The following SCLT1 variants were observed in gnomAD, a reference collection of about 807,000 sequenced individuals.
SCLT1 encodes sodium channel-associated protein 1.
Under a neutral mutation model 112.8 loss-of-function variants are expected in SCLT1, and 78 were observed. The ratio of observed to expected loss-of-function variants is 0.69; its 90% CI spans 0.58 to 0.83. SCLT1 has a LOEUF of 0.83. Ranked by LOEUF, SCLT1 falls within the 40% of genes least tolerant of loss-of-function variation. The pLI is 0.00. For synonymous variants in SCLT1, 257 were observed against 254.7 expected, an observed-to-expected ratio of 1.01 and a Z score of -0.09; for missense variants, 747 against 770.4, an observed-to-expected ratio of 0.97 and a Z score of 0.36.
chr4:128,922,024 G>A (rs953772661), intron 18 of SCLT1, among the ~76,000 whole-genome samples: 2 of 151,978 alleles, frequency 1.3e-5, no homozygotes, highest in African/African-American at 2.4e-5. Flanking sequence ...ACATACATGC[G>A]GCCAACAAGC....
intron 4 of SCLT1, among the ~76,000 whole-genome samples, chr4:129,041,152 T>A (rs1031625696): frequency 6.6e-6 from 1 of 152,178 alleles, no homozygotes; most frequent in African/African-American, 2.4e-5. Context: ...AATTCACTAG[T>A]CCTGAAAACA....
chr4:129,057,572 T>A (rs1429837918), intron 2 of SCLT1, among the ~76,000 whole-genome samples: 1 of 136,182 alleles, frequency 7.3e-6, no homozygotes, highest in Non-Finnish European at 1.6e-5. Flanking sequence ...TTTTTTTTTT[T>A]AAGACTTTTT....
At chr4:128,892,652 C>G (rs1733417676) in intron 18 of SCLT1, among the ~76,000 whole-genome samples, 1 of 152,156 alleles carries the variant, frequency 6.6e-6, no homozygotes, top group African/African-American at 2.4e-5. Context: ...ATGTCATCCA[C>G]TATTCAATTA....
intron 5 of SCLT1, among the ~76,000 whole-genome samples, chr4:129,006,272 G>T (rs1007365919): frequency 2.6e-5 from 4 of 152,086 alleles, no homozygotes; most frequent in African/African-American, 9.7e-5. Context: ...AGGTTCGGTG[G>T]CTCACACCTG....
intron 18 of SCLT1, among the ~76,000 whole-genome samples, chr4:128,934,289 A>G (rs1737008736): frequency 6.6e-6 from 1 of 151,544 alleles, no homozygotes; most frequent in East Asian, 1.9e-4. Context: ...ATACATGTAT[A>G]TAAACACACA....
intron 5 of SCLT1, among the ~76,000 whole-genome samples, chr4:129,009,355 TA>T (rs201202462): frequency 0.019 from 2,935 of 150,776 alleles, 84 homozygotes; most frequent in African/African-American, 0.062. Context: ...ACTAAATAAA[TA>T]AAAAAAAATT....
At chr4:128,875,726 TTTA>T (rs1299491968) in intron 4 of SCLT1, among the ~76,000 whole-genome samples, 1 of 152,170 alleles carries the variant, frequency 6.6e-6, no homozygotes, top group East Asian at 1.9e-4. Flanking sequence ...GGCTATTATT[TTTA>T]TTAGGAACAA....
At chr4:128,917,407 G>A (rs57056827) in intron 18 of SCLT1, among the ~76,000 whole-genome samples, 1,673 of 152,142 alleles carry the variant, frequency 0.011, 22 homozygotes, top group African/African-American at 0.037. Flanking sequence ...TATTATTTAA[G>A]TGCCACATTG....
rs138864264 is a variant in SCLT1, at chr4:128,985,896, A to G, written c.686+6271T>C. On this transcript the variant is annotated intron_variant, in intron 9 of 20. Transcript: ENST00000281142. ...GCCCAGCCTAAATCTCGATTAAGAA[A>G]TATTTCTCTAAGGAGAGGAAGCAGA... Among the ~76,000 whole-genome samples, 91 of 152,276 alleles carry G rather than the reference A, an allele frequency of 6.0e-4. 1 individual carries two copies. In the South Asian group the frequency reaches 0.011, roughly 18 times the overall value.
chr4:129,038,152 T>C (rs1423418164), intron 5 of SCLT1: 2 of 153,758 alleles, frequency 1.3e-5, no homozygotes, highest in African/African-American at 4.8e-5. Flanking sequence ...AAGTCAACAA[T>C]ATTAGTATTC....
chr4:128,914,649 T>C (rs1735344290), intron 18 of SCLT1, among the ~76,000 whole-genome samples: 2 of 151,872 alleles, frequency 1.3e-5, no homozygotes, highest in South Asian at 2.1e-4. Context: ...AGAGAAATAA[T>C]CAAACATATC....
intron 7 of SCLT1, among the ~76,000 whole-genome samples, chr4:128,998,242 T>TA (rs1313701819): frequency 1.3e-5 from 2 of 152,000 alleles, no homozygotes; most frequent in Non-Finnish European, 3.0e-5. Context: ...TAAAAAATTA[T>TA]AAGTGATTAG....
chr4:129,057,319 T>A (rs1303544799), intron 2 of SCLT1, among the ~76,000 whole-genome samples: 1 of 152,112 alleles, frequency 6.6e-6, no homozygotes, highest in African/African-American at 2.4e-5. Context: ...TAGGTTTTGG[T>A]ATCAGGTAAT....
At chr4:129,029,677 A>C (rs561570083) in intron 5 of SCLT1, among the ~76,000 whole-genome samples, 2 of 151,988 alleles carry the variant, frequency 1.3e-5, no homozygotes, top group Non-Finnish European at 2.9e-5. Context: ...TAAAAGTATA[A>C]TAATAATAAA....
At chr4:129,057,821 G>A (rs1179501193) in intron 2 of SCLT1, among the ~76,000 whole-genome samples, 5 of 151,052 alleles carry the variant, frequency 3.3e-5, no homozygotes, top group Admixed American at 6.6e-5. Context: ...GCATGATCTC[G>A]ACTCACTGCA....
intron 18 of SCLT1, among the ~76,000 whole-genome samples, chr4:128,896,973 A>G (rs1467932810): frequency 6.6e-6 from 1 of 152,154 alleles, no homozygotes; most frequent in African/African-American, 2.4e-5. Flanking sequence ...AAGTTTAGAG[A>G]AAAAAGAATA....
chr4:129,037,731 C>T (rs528681074), intron 5 of SCLT1: 1 of 152,242 alleles, frequency 6.6e-6, no homozygotes, highest in African/African-American at 2.4e-5. Flanking sequence ...TGTGTTGAGA[C>T]TGACCAGCAC....
intron 18 of SCLT1, among the ~76,000 whole-genome samples, chr4:128,891,396 G>GT: frequency 6.6e-6 from 1 of 152,074 alleles, no homozygotes; most frequent in Middle Eastern, 3.4e-3. Context: ...AGTTAAGGTG[G>GT]TAAGTTTTAT....
At chr4:128,897,751 C>T (rs1430410274) in intron 18 of SCLT1, among the ~76,000 whole-genome samples, 1 of 152,174 alleles carries the variant, frequency 6.6e-6, no homozygotes, top group Admixed American at 6.5e-5. Context: ...AGTCAAGACA[C>T]ATCAGTGTGC....
Sources: gnomAD v4.1 joint callset for allele counts (sites outside exome capture counted in the v4.1 genomes callset) on GRCh38, gnomAD v4.1.1 for gene constraint, MANE v1.5 for transcripts, NCBI Gene and HGNC (gene_info 2026-07-23, HGNC 2026-07-21) for gene names.